The following ANO6 variants were observed in gnomAD, a reference collection of about 807,000 sequenced individuals.
The protein encoded by ANO6 is anoctamin-6.
ANO6 carries 106 observed loss-of-function variants against 117.5 expected under a neutral mutation model. The observed-to-expected ratio is 0.90, with a 90% CI of 0.77 to 1.06. The LOEUF (loss-of-function observed/expected upper bound fraction) is 1.06. Ranked by LOEUF, ANO6 falls within the 50% of genes least tolerant of loss-of-function variation. ANO6 has a pLI of 0.00. For synonymous variants in ANO6, 367 were observed against 385.1 expected (o/e 0.95, Z 0.55); for missense variants, 955 against 1,121.1 (o/e 0.85, Z 2.12).
At chr12:45,242,655 C>T (rs1193023849) in intron 1 of ANO6, among the ~76,000 whole-genome samples, 3 of 152,308 alleles carry the variant, frequency 2.0e-5, no homozygotes, top group Non-Finnish European at 2.9e-5. Context: ...TCTTCTGCAT[C>T]GATCACACTG....
chr12:45,396,287 G>T (rs1053127924), intron 12 of ANO6, among the ~76,000 whole-genome samples: 4 of 152,128 alleles, frequency 2.6e-5, no homozygotes, highest in African/African-American at 7.2e-5. Flanking sequence ...ACTTAAAAGG[G>T]ATATGAAGGA....
rs139905750 is a variant in ANO6, at chr12:45,234,488, T to A, written c.70+18097T>A. ...GAAAGAGCTCTGAGAACGGAAAAGT[T>A]AGAGTGACCTATCCAAATGAAGGAG... On this transcript the variant is annotated intron_variant, in intron 1 of 19. Coordinates refer to ENST00000320560, the MANE Select transcript of ANO6 (RefSeq NM_001025356.3). Among the ~76,000 whole-genome samples, 623 of 152,334 alleles carry A rather than the reference T, an allele frequency of 4.1e-3. 2 individuals carry two copies. Among genetic ancestry groups the A allele is most frequent in the African/African-American group, 0.014 (571 of 41,586 alleles).
intron 3 of ANO6, among the ~76,000 whole-genome samples, chr12:45,337,288 A>G (rs766494926): frequency 3.9e-5 from 6 of 152,032 alleles, no homozygotes; most frequent in Non-Finnish European, 8.8e-5. Context: ...TTTATACAGT[A>G]TTTTTACTGT....
intron 12 of ANO6, among the ~76,000 whole-genome samples, chr12:45,393,729 C>A (rs1259837794): frequency 1.3e-5 from 2 of 152,184 alleles, no homozygotes; most frequent in Non-Finnish European, 2.9e-5. Flanking sequence ...CCCAGAATTT[C>A]ATATCCAGCC....
intron 3 of ANO6, among the ~76,000 whole-genome samples, chr12:45,341,906 A>G (rs962274590): frequency 6.6e-6 from 1 of 152,178 alleles, no homozygotes; most frequent in Non-Finnish European, 1.5e-5. Context: ...AGAGAAGGTA[A>G]TGGTGATGGC....
intron 1 of ANO6, among the ~76,000 whole-genome samples, chr12:45,297,838 A>G (rs965063115): frequency 6.6e-6 from 1 of 152,152 alleles, no homozygotes; most frequent in African/African-American, 2.4e-5. Flanking sequence ...ATGTTTACCT[A>G]TAGTAATCCA....
At chr12:45,372,959 G>C (rs11514091) in intron 9 of ANO6, among the ~76,000 whole-genome samples, 11,773 of 152,174 alleles carry the variant, frequency 0.077, 629 homozygotes, top group Non-Finnish European at 0.12. Context: ...GCTGTATTCA[G>C]GAAACCCATC....
At chr12:45,263,774 C>A (rs1938125950) in intron 1 of ANO6, among the ~76,000 whole-genome samples, 1 of 152,104 alleles carries the variant, frequency 6.6e-6, no homozygotes, top group South Asian at 2.1e-4. Context: ...ACATGCACAC[C>A]ATCCAGGTGT....
intron 6 of ANO6, among the ~76,000 whole-genome samples, chr12:45,350,397 G>A (rs1305258646): frequency 5.9e-5 from 9 of 151,934 alleles, no homozygotes; most frequent in South Asian, 2.1e-4. Flanking sequence ...GCATCTCTGG[G>A]GCCCTCACAG....
chr12:45,364,445 T>C (rs1341839763), intron 8 of ANO6, among the ~76,000 whole-genome samples: 1 of 152,214 alleles, frequency 6.6e-6, no homozygotes, highest in Non-Finnish European at 1.5e-5. Flanking sequence ...GTTGGTATAT[T>C]TGATGGTATC....
At chr12:45,432,604 T>TTTTACCAGAC (rs1163091736), downstream of ANO6, among the ~76,000 whole-genome samples, 1 of 152,232 alleles carries the variant, frequency 6.6e-6, no homozygotes, top group Non-Finnish European at 1.5e-5. Context: ...TTTTACCACT[T>TTTTACCAGAC]TTTACCAGAC....
chr12:45,396,844 T>C (rs556189306), intron 12 of ANO6, among the ~76,000 whole-genome samples: 1 of 152,308 alleles, frequency 6.6e-6, no homozygotes, highest in East Asian at 1.9e-4. Flanking sequence ...TCAAGATGGA[T>C]TAAAGACTTA....
At chr12:45,277,368 CCT>C (rs1309657251) in intron 1 of ANO6, among the ~76,000 whole-genome samples, 2 of 152,128 alleles carry the variant, frequency 1.3e-5, no homozygotes, top group African/African-American at 4.8e-5. Context: ...TTGTAAATCT[CCT>C]CTCAGTGTAA....
In ANO6 at chr12:45,242,915, T is replaced by C. The variant is rs531084357; in HGVS notation, c.70+26524T>C. 9.2e-5 allele frequency among the ~76,000 whole-genome samples: 14 copies of C among 152,354 alleles called. No individual in the cohort carries two copies. In the South Asian group the frequency reaches 2.5e-3, roughly 27 times the overall value. On this transcript the variant is annotated intron_variant, in intron 1 of 19. Transcript: ENST00000320560. ...CTAGAATAGAAAAGTATACAATAAT[T>C]AATATTTTGCAAACATGTATAGAAA...
At chr12:45,435,274 G>T (rs956297083), downstream of ANO6, among the ~76,000 whole-genome samples, 9 of 152,224 alleles carry the variant, frequency 5.9e-5, no homozygotes, top group South Asian at 2.1e-4. Context: ...ATCCAGTCAT[G>T]GGCAACTAAT....
chr12:45,373,663 T>C (rs1191740104), intron 9 of ANO6, among the ~76,000 whole-genome samples: 10 of 152,128 alleles, frequency 6.6e-5, no homozygotes, highest in Admixed American at 1.3e-4. Flanking sequence ...TTGAAACCAA[T>C]GAGAACAAAG....
chr12:45,341,347 A>G (rs1183585230), intron 3 of ANO6, among the ~76,000 whole-genome samples: 5 of 152,238 alleles, frequency 3.3e-5, no homozygotes. Flanking sequence ...AAGATTTTTC[A>G]TAATAGCAAA....
intron 12 of ANO6, among the ~76,000 whole-genome samples, chr12:45,399,540 C>T (rs754090641): frequency 4.6e-5 from 7 of 152,042 alleles, no homozygotes; most frequent in Admixed American, 4.6e-4. Flanking sequence ...TGAAGCTTCT[C>T]TTTCCCATGG....
chr12:45,431,964 G>A lies in ANO6; in HGVS notation c.*2653G>A, dbSNP rs1565780254. On this transcript the variant is annotated 3_prime_UTR_variant, in exon 20 of 20. Coordinates refer to ENST00000320560, the MANE Select transcript of ANO6 (RefSeq NM_001025356.3). ...TAATTTAGCTATATATCATTAGAAA[G>A]GGAAAGCTATCATTTTTATTTTAAA... 1.0e-6 allele frequency: 1 copy of A among 985,162 alleles called. No individual in the cohort carries two copies. Among genetic ancestry groups the A allele is most frequent in the Non-Finnish European group, 1.2e-6 (1 of 829,832 alleles). The allele number at this position is 985,162 out of a possible 1,614,324, so 61.0% of individuals were successfully genotyped here.
Sources: allele counts gnomAD v4.1 joint callset (sites outside exome capture counted in the v4.1 genomes callset), GRCh38; gene constraint gnomAD v4.1.1; transcripts MANE v1.5; gene names NCBI Gene and HGNC (gene_info 2026-07-23, HGNC 2026-07-21).